Variants in SLC24A2 observed in about 807,000 individuals in gnomAD.
SLC24A2 encodes sodium/potassium/calcium exchanger 2.
A neutral mutation model predicts 62.0 loss-of-function variants in SLC24A2; 36 were observed. That is an observed-to-expected ratio of 0.58 (90% CI 0.44 to 0.77). SLC24A2 has a LOEUF of 0.77. SLC24A2 is among the 30% of genes least tolerant of loss of function. SLC24A2 has a pLI of 0.00. For synonymous variants in SLC24A2, 358 were observed against 294.0 expected (o/e 1.22, Z -2.23); for missense variants, 846 against 817.9 (o/e 1.03, Z -0.42).
chr9:20,116,462 C>T, the SLC24A2 span, among the ~76,000 whole-genome samples: 1 of 152,164 alleles, frequency 6.6e-6, no homozygotes, highest in African/African-American at 2.4e-5. Context: ...TTCATCACAT[C>T]ATCCATCATA....
In SLC24A2 at chr9:19,532,385, C is replaced by T. The variant is rs115871754; in HGVS notation, c.1480-4247G>A. ...TGCTGGGACTACAGGTGTGAGATAC[C>T]TCACCTGACTCCCATATACTTTAAA... is the stretch of plus-strand genomic sequence containing the variant. On this transcript the variant is annotated intron_variant, in intron 8 of 10. Transcript: ENST00000341998. Among the ~76,000 whole-genome samples the T allele has an allele frequency of 8.2e-3, 1,253 of 152,250 alleles. 18 individuals are homozygous for T. The highest frequency in any genetic ancestry group is 0.029 in the African/African-American group (1,197 of 41,546).
chr9:19,617,332 G>A (rs1050550735), intron 4 of SLC24A2, among the ~76,000 whole-genome samples: 3 of 152,144 alleles, frequency 2.0e-5, no homozygotes, highest in Non-Finnish European at 2.9e-5. Flanking sequence ...TCTGGGGGTT[G>A]GGGACCCCTG....
At chr9:20,140,430 G>A in the SLC24A2 span, among the ~76,000 whole-genome samples, 1 of 152,204 alleles carries the variant, frequency 6.6e-6, no homozygotes, top group South Asian at 2.1e-4. Context: ...GCTGCAAGTT[G>A]GTTGTGTTTG....
chr9:20,254,132 CTT>C, the SLC24A2 span, among the ~76,000 whole-genome samples: 3 of 152,208 alleles, frequency 2.0e-5, no homozygotes, highest in Non-Finnish European at 4.4e-5. Flanking sequence ...GAGATATTAG[CTT>C]GTCTGTAATT....
chr9:20,251,426 C>A, the SLC24A2 span, among the ~76,000 whole-genome samples: 1 of 152,072 alleles, frequency 6.6e-6, no homozygotes, highest in Non-Finnish European at 1.5e-5. Flanking sequence ...AAAAAATGAC[C>A]AAAATAATAG....
At chr9:19,969,666 A>G in the SLC24A2 span, among the ~76,000 whole-genome samples, 1 of 152,190 alleles carries the variant, frequency 6.6e-6, no homozygotes, top group African/African-American at 2.4e-5. Context: ...AAGAACCAAG[A>G]AGCAAGGCGG....
At chr9:19,583,132 T>A (rs1324187734) in intron 5 of SLC24A2, among the ~76,000 whole-genome samples, 2 of 152,194 alleles carry the variant, frequency 1.3e-5, no homozygotes, top group Non-Finnish European at 2.9e-5. Context: ...GCAGTGAAAC[T>A]CATCCTGACT....
chr9:19,641,310 G>C (rs886617012), intron 2 of SLC24A2, among the ~76,000 whole-genome samples: 1 of 152,112 alleles, frequency 6.6e-6, no homozygotes, highest in Non-Finnish European at 1.5e-5. Context: ...CTCTAGTTCT[G>C]AATTTGTCTC....
chr9:19,988,746 C>T, the SLC24A2 span, among the ~76,000 whole-genome samples: 1 of 152,144 alleles, frequency 6.6e-6, no homozygotes. Context: ...GAGAGAAACA[C>T]GTTGACACAC....
intron 2 of SLC24A2, among the ~76,000 whole-genome samples, chr9:19,698,632 G>A (rs970729650): frequency 3.9e-5 from 6 of 152,106 alleles, no homozygotes; most frequent in African/African-American, 1.4e-4. Flanking sequence ...GACTTCCTAT[G>A]TGCCATGCAG....
chr9:19,660,387 C>G (rs1250135130), intron 2 of SLC24A2, among the ~76,000 whole-genome samples: 2 of 152,144 alleles, frequency 1.3e-5, no homozygotes, highest in Non-Finnish European at 2.9e-5. Context: ...CACCACAGGT[C>G]AGTTGTGATT....
At chr9:19,804,486 G>C in the SLC24A2 span, among the ~76,000 whole-genome samples, 1 of 152,012 alleles carries the variant, frequency 6.6e-6, no homozygotes, top group Non-Finnish European at 1.5e-5. Context: ...TATAATTGAC[G>C]TTTGTATATT....
At chr9:19,546,747 CA>C (rs1219327872) in intron 8 of SLC24A2, among the ~76,000 whole-genome samples, 1 of 136,482 alleles carries the variant, frequency 7.3e-6, no homozygotes, top group Admixed American at 6.9e-5. Flanking sequence ...AAAAAAAAAA[CA>C]ACACAAAACT....
At position 19,682,722 on chromosome 9, in the gene SLC24A2, T is replaced by C. The variant is rs1819758961; in HGVS notation, c.931-60423A>G. On this transcript the variant is annotated intron_variant, in intron 2 of 10. Transcript: ENST00000341998. ...ATCCATAGGAAATATCATGGCATCT[T>C]TAATTTGGGATTAAACAGATGTATT... Among the ~76,000 whole-genome samples, 4 of 152,306 alleles carry C rather than the reference T, an allele frequency of 2.6e-5. No homozygotes were observed. The South Asian group carries it at 6.2e-4, about 24-fold the overall frequency.
At chr9:20,008,482 C>T in the SLC24A2 span, among the ~76,000 whole-genome samples, 1 of 152,122 alleles carries the variant, frequency 6.6e-6, no homozygotes, top group African/African-American at 2.4e-5. Context: ...CTACATTTGT[C>T]TCCCACCACA....
the SLC24A2 span, among the ~76,000 whole-genome samples, chr9:20,081,488 G>T: frequency 8.9e-6 from 1 of 112,728 alleles, no homozygotes; most frequent in East Asian, 3.2e-4. Context: ...AGGGGTGGGG[G>T]GAGGGGGGGA....
At chr9:19,524,368 A>G (rs1417762197) in intron 9 of SLC24A2, among the ~76,000 whole-genome samples, 2 of 151,620 alleles carry the variant, frequency 1.3e-5, no homozygotes, top group Non-Finnish European at 2.9e-5. Context: ...TAAATTTATT[A>G]AAGTGCAAAA....
the SLC24A2 span, among the ~76,000 whole-genome samples, chr9:20,208,779 AC>A: frequency 6.6e-6 from 1 of 152,194 alleles, no homozygotes; most frequent in Admixed American, 6.5e-5. Context: ...TGACCGTGTT[AC>A]GGGAAAACCC....
the SLC24A2 span, among the ~76,000 whole-genome samples, chr9:20,274,588 A>C: frequency 4.2e-4 from 64 of 152,246 alleles, no homozygotes; most frequent in South Asian, 1.5e-3. Context: ...TCACAGGTAA[A>C]GGGAACCCTG....
Sources: gnomAD v4.1 joint callset for allele counts (sites outside exome capture counted in the v4.1 genomes callset) on GRCh38, gnomAD v4.1.1 for gene constraint, MANE v1.5 for transcripts, NCBI Gene and HGNC (gene_info 2026-07-23, HGNC 2026-07-21) for gene names.